Variants in ELAVL4 observed in about 807,000 individuals in gnomAD.
ELAVL4 encodes the protein ELAV-like protein 4.
A neutral mutation model predicts 35.6 loss-of-function variants in ELAVL4; 1 was observed. The observed-to-expected ratio is 0.03, with a 90% CI of 0.01 to 0.13. ELAVL4 has a LOEUF of 0.13. Among genes scored for constraint, ELAVL4 ranks in the 10% least tolerant of loss-of-function variants. ELAVL4 has a pLI of 1.00. For synonymous variants in ELAVL4, 156 were observed against 171.0 expected, an observed-to-expected ratio of 0.91 and a Z score of 0.69; for missense variants, 267 against 464.9, an observed-to-expected ratio of 0.57 and a Z score of 3.91.
At chr1:50,075,814 TAG>T (rs201575551) in intron 1 of ELAVL4, among the ~76,000 whole-genome samples, 1 of 150,790 alleles carries the variant, frequency 6.6e-6, no homozygotes, top group African/African-American at 2.4e-5. Context: ...GATATAGATA[TAG>T]ATAGAGAGAG....
intron 1 of ELAVL4, among the ~76,000 whole-genome samples, chr1:50,061,139 C>T (rs1184195228): frequency 1.3e-5 from 2 of 152,214 alleles, no homozygotes; most frequent in African/African-American, 4.8e-5. Context: ...ATGCTCTGCG[C>T]TTAACTGTCA....
chr1:50,093,675 C>T (rs1430279472), intron 1 of ELAVL4, among the ~76,000 whole-genome samples: 6 of 152,158 alleles, frequency 3.9e-5, no homozygotes, highest in Admixed American at 3.9e-4. Flanking sequence ...AGCCCCATTA[C>T]CAGACATTGG....
intron 3 of ELAVL4, among the ~76,000 whole-genome samples, chr1:50,184,094 A>G (rs933982366): frequency 2.6e-5 from 4 of 152,126 alleles, no homozygotes; most frequent in Admixed American, 1.3e-4. Flanking sequence ...CTCTTGTGGG[A>G]GATTTTATTT....
intron 1 of ELAVL4, among the ~76,000 whole-genome samples, chr1:50,085,911 G>A (rs1425571401): frequency 2.0e-5 from 3 of 152,166 alleles, no homozygotes; most frequent in African/African-American, 4.8e-5. Flanking sequence ...TTATTTTCAT[G>A]TATGAGTTTT....
At chr1:50,165,748 A>ATGTGTG in intron 2 of ELAVL4, among the ~76,000 whole-genome samples, 1 of 48,624 alleles carries the variant, frequency 2.1e-5, no homozygotes, top group South Asian at 1.2e-3. Context: ...GTATATATAC[A>ATGTGTG]TATATGTGTA....
At chr1:50,146,010 C>T (rs1430510446) in intron 2 of ELAVL4, among the ~76,000 whole-genome samples, 2 of 152,176 alleles carry the variant, frequency 1.3e-5, no homozygotes, top group Admixed American at 1.3e-4. Flanking sequence ...TATTAGGCTA[C>T]ATAATGATGG....
At chr1:50,145,870 A>G (rs1349350926) in intron 2 of ELAVL4, among the ~76,000 whole-genome samples, 3 of 152,240 alleles carry the variant, frequency 2.0e-5, no homozygotes, top group African/African-American at 7.2e-5. Context: ...TGAGATTTTT[A>G]GGTTCTGATT....
At position 50,203,188 on chromosome 1, in the gene ELAVL4, T is replaced by C. The variant is rs1215623092; in HGVS notation, c.*2010T>C. 1 of 152,214 alleles carries C rather than the reference T, an allele frequency of 6.6e-6. No homozygotes were observed. The highest frequency in any genetic ancestry group is 2.4e-5 in the African/African-American group (1 of 41,460). The allele number at this position is 152,214 out of a possible 1,614,324, so 9.4% of individuals were successfully genotyped here. On this transcript the variant is annotated 3_prime_UTR_variant, in exon 7 of 7. Transcript: ENST00000371824. ...AATACAAGTTTAGTCTTAATGGTAA[T>C]AAAACGTTATGGTTATTTATAACTT...
intron 1 of ELAVL4, among the ~76,000 whole-genome samples, chr1:50,135,535 A>C (rs1447498216): frequency 6.6e-6 from 1 of 152,158 alleles, no homozygotes; most frequent in African/African-American, 2.4e-5. Flanking sequence ...AACCCTCTAC[A>C]GGGAGGGACC....
chr1:50,057,468 G>A (rs1663738595), intron 1 of ELAVL4, among the ~76,000 whole-genome samples: 1 of 152,100 alleles, frequency 6.6e-6, no homozygotes, highest in Non-Finnish European at 1.5e-5. Flanking sequence ...TATTCACTCA[G>A]CACTCATTCA....
intron 1 of ELAVL4, among the ~76,000 whole-genome samples, chr1:50,126,129 G>A (rs1669873106): frequency 6.6e-6 from 1 of 152,088 alleles, no homozygotes; most frequent in Non-Finnish European, 1.5e-5. Flanking sequence ...GGCTCACAGG[G>A]AGAGAAGAGA....
chr1:50,074,251 A>C (rs988886574), intron 1 of ELAVL4, among the ~76,000 whole-genome samples: 2 of 152,210 alleles, frequency 1.3e-5, no homozygotes, highest in Non-Finnish European at 2.9e-5. Flanking sequence ...TTGAGGAGCC[A>C]GTCTCTGACC....
chr1:50,149,079 GAAAGAAAAAA>G (rs1225404977), intron 2 of ELAVL4, among the ~76,000 whole-genome samples: 2 of 151,188 alleles, frequency 1.3e-5, no homozygotes, highest in African/African-American at 2.4e-5. Flanking sequence ...AACAAATAAG[GAAAGAAAAAA>G]AAAGAAAAAT....
intron 1 of ELAVL4, among the ~76,000 whole-genome samples, chr1:50,091,554 A>G (rs1293242824): frequency 6.6e-6 from 1 of 152,172 alleles, no homozygotes; most frequent in East Asian, 1.9e-4. Flanking sequence ...CACGTCTAGC[A>G]AGAGAAGAAG....
chr1:50,145,832 A>C (rs1162480255), intron 2 of ELAVL4, among the ~76,000 whole-genome samples: 2 of 152,214 alleles, frequency 1.3e-5, no homozygotes, highest in Non-Finnish European at 2.9e-5. Flanking sequence ...CTTGAAAGTG[A>C]ATCAACACCC....
chr1:50,160,577 TCA>T (rs1676626917), intron 2 of ELAVL4, among the ~76,000 whole-genome samples: 1 of 152,198 alleles, frequency 6.6e-6, no homozygotes, highest in Non-Finnish European at 1.5e-5. Flanking sequence ...TTTCTGCATT[TCA>T]CACAGATATT....
chr1:50,131,491 A>G (rs976938302), intron 1 of ELAVL4, among the ~76,000 whole-genome samples: 1 of 151,780 alleles, frequency 6.6e-6, no homozygotes, highest in Non-Finnish European at 1.5e-5. Context: ...GAGTTTTTTT[A>G]AAAAAATAGA....
intron 3 of ELAVL4, among the ~76,000 whole-genome samples, chr1:50,188,652 G>A (rs761632219): frequency 2.0e-5 from 3 of 152,300 alleles, no homozygotes; most frequent in South Asian, 2.1e-4. Context: ...CCCACAGGCC[G>A]AGAGCAGAGC....
chr1:50,137,271 A>G lies in ELAVL4; in HGVS notation c.10-7686A>G, dbSNP rs1286397950. Among the ~76,000 whole-genome samples the G allele has an allele frequency of 7.9e-5, 12 of 152,276 alleles. No homozygotes were observed. In the East Asian group the frequency reaches 1.4e-3, roughly 17 times the overall value. On this transcript the variant is annotated intron_variant, in intron 1 of 6. Transcript: ENST00000371824. ...TGGTTGGCAGGATGGTAAGAAGACT[A>G]TGGTAGCAACAATGATTCTCCTCCA...
Sources: allele counts gnomAD v4.1 joint callset (sites outside exome capture counted in the v4.1 genomes callset), GRCh38; gene constraint gnomAD v4.1.1; transcripts MANE v1.5; gene names NCBI Gene and HGNC (gene_info 2026-07-23, HGNC 2026-07-21).